PPM1D: variants seen among roughly 807,000 people sequenced by gnomAD.
The protein encoded by PPM1D is protein phosphatase, Mg2+/Mn2+ dependent 1D.
PPM1D carries 52 observed loss-of-function variants against 58.3 expected under a neutral mutation model. The observed-to-expected ratio is 0.89, with a 90% confidence interval of 0.71 to 1.12. PPM1D has a LOEUF of 1.12. Ranked by LOEUF, PPM1D falls within the 50% of genes most tolerant of loss-of-function variation. The pLI is 0.00. For synonymous variants in PPM1D, 278 were observed against 285.1 expected (o/e 0.98, Z 0.25); for missense variants, 564 against 777.2 (o/e 0.73, Z 3.26).
chr17:60,666,042 A>T lies in PPM1D; in HGVS notation c.*2490A>T, dbSNP rs2031611867. 1 of 152,216 alleles carries T rather than the reference A, an allele frequency of 6.6e-6. No individual in the cohort carries two copies. Among genetic ancestry groups the T allele is most frequent in the Non-Finnish European group, 1.5e-5 (1 of 68,036 alleles). 9.4% of individuals were successfully genotyped at this position (152,216 alleles called of 1,614,324 possible). On this transcript the variant is annotated 3_prime_UTR_variant, in exon 6 of 6. Transcript: ENST00000305921. ...TCCTACACAAGGCATGAATTCTAGG[A>T]GGTGGGCATTTTTAAGTGTCATCTG... is the stretch of plus-strand genomic sequence containing the variant.
chr17:60,624,352 A>G (rs76182457), intron 2 of PPM1D, among the ~76,000 whole-genome samples: 1,698 of 152,334 alleles, frequency 0.011, 62 homozygotes, highest in East Asian at 0.062. Context: ...AATTGAGGAT[A>G]TGAGGCAAGT....
intron 1 of PPM1D, among the ~76,000 whole-genome samples, chr17:60,616,586 G>A (rs1005628455): frequency 5.3e-5 from 8 of 152,042 alleles, no homozygotes; most frequent in African/African-American, 1.9e-4. Context: ...CTCCGGCCTG[G>A]GTGACAGAGT....
chr17:60,603,802 T>C (rs2030273276), intron 1 of PPM1D, among the ~76,000 whole-genome samples: 1 of 152,116 alleles, frequency 6.6e-6, no homozygotes. Context: ...TATCCACTTC[T>C]GCACTCAATC....
intron 2 of PPM1D, among the ~76,000 whole-genome samples, chr17:60,631,470 C>T (rs557271203): frequency 6.6e-6 from 1 of 151,940 alleles, no homozygotes; most frequent in Non-Finnish European, 1.5e-5. Context: ...TAAACCCCGT[C>T]TCTACTAAAA....
intron 2 of PPM1D, among the ~76,000 whole-genome samples, chr17:60,631,786 C>G (rs557865234): frequency 4.6e-5 from 7 of 152,286 alleles, no homozygotes; most frequent in African/African-American, 1.7e-4. Context: ...TTTAAAAAAT[C>G]AATTCCCATT....
intron 3 of PPM1D, among the ~76,000 whole-genome samples, chr17:60,645,498 GTATA>G (rs372803601): frequency 2.5e-4 from 33 of 130,216 alleles, no homozygotes; most frequent in African/African-American, 8.9e-4. Flanking sequence ...GTGTGTATGT[GTATA>G]TATATATGTG....
intron 2 of PPM1D, among the ~76,000 whole-genome samples, chr17:60,629,186 G>A (rs937813856): frequency 6.6e-6 from 1 of 152,210 alleles, no homozygotes. Context: ...CATCTTGGTA[G>A]GGAAGTTGTT....
chr17:60,618,968 C>T (rs1041141624), intron 1 of PPM1D, among the ~76,000 whole-genome samples: 2 of 152,140 alleles, frequency 1.3e-5, no homozygotes, highest in Admixed American at 1.3e-4. Flanking sequence ...ACTATACTCT[C>T]TGTGTTGTAC....
At position 60,664,125 on chromosome 17, in the gene PPM1D, CAGTT is replaced by C. The variant is rs1353175785; in HGVS notation, c.*577_*580del. On this transcript the variant is annotated 3_prime_UTR_variant, in exon 6 of 6. Transcript: ENST00000305921. The stretch of plus-strand genomic sequence containing the variant: ...TTCATAGAAGTGTTGAGCCATGCTA[CAGTT>C]AGTCTTGTCCCAATTAAAATACTAT... The C allele has an allele frequency of 1.9e-5, 3 of 153,996 alleles. No individual in the cohort carries two copies. In the South Asian group the frequency reaches 6.1e-4, roughly 31 times the overall value. 9.5% of individuals were successfully genotyped at this position (153,996 alleles called of 1,614,324 possible).
rs927789857 is a variant in PPM1D at position 60,664,920 on chromosome 17, A to G, written c.*1368A>G. 2.1e-5 allele frequency: 3 copies of G among 141,302 alleles called. No individual in the cohort carries two copies. The highest frequency in any genetic ancestry group is 5.4e-5 in the African/African-American group (2 of 37,158). 8.8% of individuals were successfully genotyped at this position (141,302 alleles called of 1,614,324 possible). On this transcript the variant is annotated 3_prime_UTR_variant, in exon 6 of 6. Transcript: ENST00000305921. ...GGGTTCAAGTGATTCTCCTGCCTCA[A>G]TCTCTCTCCCCAGAAGCTGGGATTA... is the stretch of plus-strand genomic sequence containing the variant.
rs1567971159 is a variant in PPM1D at position 60,633,841 on chromosome 17, CTT to C, written c.702-10_702-9del. The stretch of plus-strand genomic sequence containing the variant: ...ATCATTTAGATTATTTATGTGAACT[CTT>C]TATTTTTAGTGTAATGAACAAGTCT... On this transcript the variant is annotated splice_polypyrimidine_tract_variant and intron_variant, in intron 2 of 5. Transcript: ENST00000305921. 1.2e-6 allele frequency: 2 copies of C among 1,603,728 alleles called. No individual in the cohort carries two copies. Among genetic ancestry groups the C allele is most frequent in the South Asian group, 1.1e-5 (1 of 89,652 alleles).
intron 1 of PPM1D, among the ~76,000 whole-genome samples, chr17:60,621,844 A>G (rs1018617128): frequency 2.0e-5 from 3 of 147,648 alleles, no homozygotes; most frequent in Admixed American, 1.3e-4. Context: ...TGCTGAGATT[A>G]TAGGCGTGAG....
At position 60,662,991 on chromosome 17, in the gene PPM1D, T is replaced by C. The variant is rs1486843935; in HGVS notation, c.1261-4T>C. On this transcript the variant is annotated splice_region_variant and splice_polypyrimidine_tract_variant and intron_variant, in intron 5 of 5. Transcript: ENST00000305921. Reference sequence around the variant, plus strand: ...CTTATTTGTTTTACCTTCTTATTTTTCAGTCACTGGAGGAGGATCCATGGC... The same window carrying C: ...CTTATTTGTTTTACCTTCTTATTTTCCAGTCACTGGAGGAGGATCCATGGC... 1.9e-6 allele frequency: 3 copies of C among 1,583,566 alleles called. No homozygotes were observed. The highest frequency in any genetic ancestry group is 3.4e-4 in the Middle Eastern group (2 of 5,890).
intron 1 of PPM1D, among the ~76,000 whole-genome samples, 157 bp downstream of exon 1, chr17:60,601,043 G>A (rs1262607235): frequency 6.6e-6 from 1 of 152,218 alleles, no homozygotes; most frequent in Admixed American, 6.5e-5. Context: ...CTGGGTGGAG[G>A]TCCGGGCAAA....
chr17:60,662,874 T>C (rs998030755), intron 5 of PPM1D, 121 bp from the exon 6 acceptor site: 22 of 870,586 alleles, frequency 2.5e-5, no homozygotes, highest in South Asian at 5.3e-5. Context: ...AACGAATTAG[T>C]GAATGCATAC....
At chr17:60,633,626 C>A (rs2030970452) in intron 2 of PPM1D, among the ~76,000 whole-genome samples, 1 of 152,018 alleles carries the variant, frequency 6.6e-6, no homozygotes, top group Admixed American at 6.6e-5. Flanking sequence ...ACATTACATT[C>A]ATTTGGTTAT....
At chr17:60,656,932 GA>G (rs2031452475) in intron 5 of PPM1D, 91 bp downstream of exon 5, 1 of 1,601,280 alleles carries the variant, frequency 6.2e-7, no homozygotes, top group African/African-American at 1.3e-5. Context: ...ATTCTTACAG[GA>G]TTTTGGATTT....
chr17:60,650,817 G>C (rs1274384039), intron 4 of PPM1D, among the ~76,000 whole-genome samples: 6 of 151,880 alleles, frequency 4.0e-5, no homozygotes, highest in Non-Finnish European at 7.4e-5. Flanking sequence ...AGAGAGGGGT[G>C]GCATGCTCCT....
chr17:60,635,730 G>T (rs2031011006), intron 3 of PPM1D, among the ~76,000 whole-genome samples: 1 of 152,148 alleles, frequency 6.6e-6, no homozygotes, highest in Non-Finnish European at 1.5e-5. Context: ...AATACCAATT[G>T]GGAGACTCAG....
Sources: allele counts gnomAD v4.1 joint callset (sites outside exome capture counted in the v4.1 genomes callset), GRCh38; gene constraint gnomAD v4.1.1; transcripts MANE v1.5; gene names NCBI Gene and HGNC (gene_info 2026-07-23, HGNC 2026-07-21).